The following INF2 variants were observed in gnomAD, a reference collection of about 807,000 sequenced individuals.
INF2 encodes the protein inverted formin-2.
A neutral mutation model predicts 123.5 loss-of-function variants in INF2; 43 were observed. The observed-to-expected ratio is 0.35, with a 90% CI of 0.27 to 0.45. The LOEUF is 0.45. INF2 is among the 20% of genes least tolerant of loss of function. The pLI is 1.00. For synonymous variants in INF2, 851 were observed against 745.0 expected, an observed-to-expected ratio of 1.14 and a Z score of -2.32; for missense variants, 1,453 against 1,682.7, an observed-to-expected ratio of 0.86 and a Z score of 2.39.
chr14:104,712,402 C>T (rs1400941828), intron 16 of INF2, 31 bp from the exon 17 acceptor site: 3 of 1,611,438 alleles, frequency 1.9e-6, no homozygotes, highest in Non-Finnish European at 2.5e-6. Context: ...TCAGCCGTTG[C>T]TGTCTCTGCC....
intron 20 of INF2, 97 bp downstream of exon 20, chr14:104,713,703 C>T: frequency 6.4e-6 from 9 of 1,395,970 alleles, no homozygotes; most frequent in Non-Finnish European, 8.8e-6. Context: ...AAAGCCCTCT[C>T]CTCTCCCTGG....
At chr14:104,702,969 C>T (rs1889598951) in intron 2 of INF2, 136 bp from the exon 3 acceptor site, 1 of 735,514 alleles carries the variant, frequency 1.4e-6, no homozygotes, top group Non-Finnish European at 2.4e-6. Context: ...CAGCCCACTG[C>T]TGTGGGCCAC....
intron 15 of INF2, 94 bp downstream of exon 15, chr14:104,711,280 C>A: frequency 9.2e-7 from 1 of 1,082,404 alleles, no homozygotes; most frequent in Non-Finnish European, 1.4e-6. Flanking sequence ...ATGCCCACCA[C>A]TCAGGCCGCC....
chr14:104,683,310 G>A (rs4994394), intron 1 of INF2, among the ~76,000 whole-genome samples: 117,353 of 151,286 alleles, frequency 0.78, 43,505 homozygotes, highest in Middle Eastern at 0.85. Context: ...ATCCTCCTAC[G>A]TGCCTCAGCC....
In INF2 at chr14:104,702,004, C is replaced by A. The variant is rs559457373; in HGVS notation, c.391+248C>A. ...GCACCAGCGGTCCCCCTGTGCCCCT[C>A]TCTGTTGTGTGGCTCTGCCCCACCC... On this transcript the variant is annotated intron_variant, in intron 2 of 22. Coordinates refer to ENST00000392634, the MANE Select transcript of INF2 (RefSeq NM_022489.4). Among the ~76,000 whole-genome samples the A allele has an allele frequency of 1.2e-4, 19 of 152,324 alleles. No homozygotes were observed. The East Asian group carries it at 3.7e-3, about 29-fold the overall frequency.
chr14:104,715,442 C>T, intron 22 of INF2, 102 bp downstream of exon 22: 1 of 1,108,342 alleles, frequency 9.0e-7, no homozygotes, highest in Non-Finnish European at 1.4e-6. Context: ...CCTGGCTTCT[C>T]TCCAGCCCGC....
chr14:104,689,668 G>T lies in INF2; in HGVS notation c.-81G>T. On this transcript the variant is annotated 5_prime_UTR_variant, in exon 1 of 23. Transcript: ENST00000392634. The stretch of plus-strand genomic sequence containing the variant: ...CGGAGCGCGGCAGTGGGCGCCGGCT[G>T]CCCGCAGCCCCTGACCCGGCCCCGG... 1.0e-6 allele frequency: 1 copy of T among 984,034 alleles called. No individual in the cohort carries two copies. The highest frequency in any genetic ancestry group is 1.2e-6 in the Non-Finnish European group (1 of 829,156). 61.0% of individuals were successfully genotyped at this position (984,034 alleles called of 1,614,324 possible). A position where few individuals can be genotyped will look rare whatever the true frequency, so the allele number is the denominator to read the frequency against.
Position 104,684,239 on chromosome 14 carries a change from A to T in INF2, c.-104+2657A>T. 1 of 432,284 alleles carries T rather than the reference A, an allele frequency of 2.3e-6. No individual in the cohort carries two copies. Among genetic ancestry groups the T allele is most frequent in the Non-Finnish European group, 4.7e-6 (1 of 213,196 alleles). 26.8% of individuals were successfully genotyped at this position (432,284 alleles called of 1,614,324 possible). On this transcript the variant is annotated intron_variant, in intron 1 of 2. Coordinates refer to the INF2 transcript ENST00000674723. This position sits in a 1 kb window ranked among gnomAD's most constrained non-coding sequence, Gnocchi z 5.0. ...CAACCGAGAAGGAGGCTGGGGAGGG[A>T]CAGCTCGAGGGCTCACTGGAGGTCA...
intron 6 of INF2, 137 bp from the exon 7 acceptor site, chr14:104,706,773 C>G (rs1036021315): frequency 1.1e-6 from 1 of 936,654 alleles, no homozygotes; most frequent in Non-Finnish European, 1.6e-6. Context: ...GTACCACAGT[C>G]GCTGAAACTC....
intron 1 of INF2, among the ~76,000 whole-genome samples, chr14:104,696,292 A>C (rs2140617601): frequency 6.6e-6 from 1 of 152,316 alleles, no homozygotes; most frequent in East Asian, 1.9e-4. Context: ...TGGGGACTGC[A>C]GGTGGCATGA....
chr14:104,703,387 G>A lies in INF2; in HGVS notation c.600G>A (p.Val200=). 1 of 1,613,000 alleles carries A rather than the reference G, an allele frequency of 6.2e-7. No individual in the cohort carries two copies. Among genetic ancestry groups the A allele is most frequent in the East Asian group, 2.2e-5 (1 of 44,880 alleles). ...CCTACGTGGTCACCCTGCTTAGCGTGATCAACGCCGTCATCTTGGGCCCCG... is the reference window on the plus strand; with the variant it reads ...CCTACGTGGTCACCCTGCTTAGCGTAATCAACGCCGTCATCTTGGGCCCCG... ...NVPYVVTLLS[V]INAVILGPED... Residue 200 remains valine, a synonymous_variant, in exon 4 of 23, where the codon GTG becomes GTA. Coordinates refer to ENST00000392634, the MANE Select transcript of INF2 (RefSeq NM_022489.4).
upstream of INF2, among the ~76,000 whole-genome samples, chr14:104,687,267 C>T (rs887886741): frequency 9.2e-5 from 14 of 151,958 alleles, no homozygotes; most frequent in Admixed American, 3.3e-4. This position sits in a 1 kb window ranked among gnomAD's most constrained non-coding sequence, Gnocchi z 5.6. Context: ...AGTCTGGGAG[C>T]GCTGGAGGTA....
intron 22 of INF2, chr14:104,715,601 G>A (rs550549776): frequency 3.7e-5 from 22 of 602,176 alleles, no homozygotes; most frequent in South Asian, 1.2e-4. Flanking sequence ...TGCGGGCCTC[G>A]AGAGGGCAGG....
At chr14:104,708,768 G>A (rs970003591) in intron 10 of INF2, 36 bp downstream of exon 10, 1 of 1,605,676 alleles carries the variant, frequency 6.2e-7, no homozygotes, top group African/African-American at 1.3e-5. Context: ...CCAGGCCACG[G>A]AGCCTCGCCT....
Position 104,707,693 on chromosome 14 carries a change from C to A in INF2, c.1426C>A (p.Leu476Ile). 9.2e-7 allele frequency: 1 copy of A among 1,083,084 alleles called. No individual in the cohort carries two copies. The highest frequency in any genetic ancestry group is 1.3e-6 in the Non-Finnish European group (1 of 744,294). 67.1% of individuals were successfully genotyped at this position (1,083,084 alleles called of 1,614,324 possible). The change falls in exon 8 of 23, where the codon CTA (leucine) becomes ATA (isoleucine). Residue 476 changes from leucine to isoleucine, a missense_variant. Transcript: ENST00000392634. ...GGCCATGGCCCCCCCAGCACCTCCT[C>A]TACCACCACCCCTGCCAGGCTCCTG... ...LGAMAPPAPP[L>I]PPPLPGSCEF...
intron 20 of INF2, 52 bp downstream of exon 20, chr14:104,713,658 C>T (rs1381939351): frequency 3.2e-6 from 5 of 1,577,376 alleles, no homozygotes; most frequent in Middle Eastern, 1.7e-4. Context: ...CTGTCCCTAC[C>T]CTGTGCCTCC....
rs1302467748 is a variant in INF2 at position 104,705,128 on chromosome 14, C to T, written c.702-907C>T. 2.0e-5 allele frequency among the ~76,000 whole-genome samples: 3 copies of T among 152,198 alleles called. No individual in the cohort carries two copies. In the East Asian group the frequency reaches 5.8e-4, roughly 29 times the overall value. On this transcript the variant is annotated intron_variant, in intron 5 of 22. Coordinates refer to ENST00000392634, the MANE Select transcript of INF2 (RefSeq NM_022489.4). ...GCTAGAATGCCTGGTGTTGAAATGG[C>T]CTCAGGGGCCAGGCGCGGTGGCTCA...
At chr14:104,709,170 C>T in intron 10 of INF2, 111 bp from the exon 11 acceptor site, 1 of 795,938 alleles carries the variant, frequency 1.3e-6, no homozygotes, top group East Asian at 2.7e-5. Flanking sequence ...CCCCCCTGCC[C>T]TGGCCACCCC....
chr14:104,701,604 C>T lies in INF2; in HGVS notation c.239C>T (p.Ala80Val), dbSNP rs745691239. Residue 80 changes from alanine (A) to valine (V), a missense_variant, in exon 2 of 23, where the codon GCG becomes GTG. Coordinates refer to ENST00000392634, the MANE Select transcript of INF2 (RefSeq NM_022489.4). ...EQSGLDLLLE[A>V]LARLSGRGVA... ...AGCGGCCTGGACCTGCTGCTGGAGGCGCTGGCGCGGCTGTCGGGCCGCGGC... is the reference window on the plus strand; with the variant it reads ...AGCGGCCTGGACCTGCTGCTGGAGGTGCTGGCGCGGCTGTCGGGCCGCGGC... The T allele has an allele frequency of 1.9e-6, 3 of 1,605,466 alleles. No homozygotes were observed. Among genetic ancestry groups the T allele is most frequent in the Admixed American group, 3.3e-5 (2 of 59,746 alleles).
Sources: allele counts gnomAD v4.1 joint callset (sites outside exome capture counted in the v4.1 genomes callset), GRCh38; gene constraint gnomAD v4.1.1; non-coding constraint Gnocchi (gnomAD v3.1); transcripts MANE v1.5; gene names NCBI Gene and HGNC (gene_info 2026-07-23, HGNC 2026-07-21).